The following ABCC4 variants were observed in gnomAD, a reference collection of about 807,000 sequenced individuals.
ABCC4 encodes the protein ATP-binding cassette sub-family C member 4.
ABCC4 carries 102 observed loss-of-function variants against 168.5 expected under a neutral mutation model. The observed-to-expected ratio is 0.61, with a 90% CI of 0.52 to 0.71. The LOEUF (loss-of-function observed/expected upper bound fraction) is 0.71. Ranked by LOEUF, ABCC4 falls within the 30% of genes least tolerant of loss-of-function variation. The probability of loss-of-function intolerance (pLI) is 0.00; values close to 1 mark genes in which losing one functional copy is unlikely to be tolerated. For missense variants in ABCC4, 1,402 were observed against 1,605.8 expected (o/e 0.87, Z 2.17); for synonymous variants, 617 against 590.7 (o/e 1.04, Z -0.65).
At chr13:95,126,443 T>C (rs1211701159) in intron 19 of ABCC4, among the ~76,000 whole-genome samples, 1 of 152,046 alleles carries the variant, frequency 6.6e-6, no homozygotes, top group Non-Finnish European at 1.5e-5. Flanking sequence ...AAATCGGCTC[T>C]ATCTCTAATC....
chr13:95,164,728 C>T (rs961634362), intron 15 of ABCC4, among the ~76,000 whole-genome samples: 30 of 152,118 alleles, frequency 2.0e-4, no homozygotes, highest in Admixed American at 3.3e-4. Flanking sequence ...GAATTTTGCT[C>T]ATGTTTCCCA....
chr13:95,247,268 G>A (rs2040131453), intron 2 of ABCC4, among the ~76,000 whole-genome samples, 173 bp from the exon 3 acceptor site: 1 of 152,200 alleles, frequency 6.6e-6, no homozygotes, highest in African/African-American at 2.4e-5. Context: ...AGAATCTGGA[G>A]CATCAGAAAA....
In ABCC4 at chr13:95,247,673, CGGTCTTCTGGCA is replaced by C. The variant is rs1480421279; in HGVS notation, c.143_154del (p.Leu48_Asp51del). ...CAACTCCTCTCCAAGGTGCTGTGAG[CGGTCTTCTGGCA>C]GCACTGAATACATATCATCTTCCTC... is the stretch of plus-strand genomic sequence containing the variant. On this transcript the variant is annotated inframe_deletion, in exon 2 of 31. Transcript: ENST00000645237. 1.2e-6 allele frequency: 2 copies of C among 1,613,778 alleles called. No homozygotes were observed.
At chr13:95,247,867 T>C (rs1594375406) in intron 1 of ABCC4, 114 bp from the exon 2 acceptor site, 11 of 694,472 alleles carry the variant, frequency 1.6e-5, no homozygotes, top group African/African-American at 9.2e-5. Context: ...CAGCTATATA[T>C]AGACAGACAG....
chr13:95,054,612 G>A (rs1222568320), intron 26 of ABCC4, among the ~76,000 whole-genome samples: 5 of 152,134 alleles, frequency 3.3e-5, no homozygotes, highest in African/African-American at 1.2e-4. Flanking sequence ...AATAAGCCAG[G>A]CCATAAGGAT....
chr13:95,234,671 T>C lies in ABCC4; in HGVS notation c.470A>G (p.Tyr157Cys). 1 of 1,614,134 alleles carries C rather than the reference T, an allele frequency of 6.2e-7. No individual in the cohort carries two copies. The highest frequency in any genetic ancestry group is 8.5e-7 in the Non-Finnish European group (1 of 1,180,010). Residue 157 changes from tyrosine to cysteine, a missense_variant, in exon 4 of 31, where the codon TAT becomes TGT. This residue lies in a region of ABCC4 where 317 missense variants were observed against 345.5 expected (regional missense o/e 0.92). Transcript: ENST00000645237. The part of the protein sequence containing the change: ...ILAILHHLYF[Y>C]HVQCAGMRLR... ...CCTCATCCCAGCACACTGAACGTGA[T>C]AAAAATATAAGTGATGCAGTATAGC...
At chr13:95,139,646 G>A (rs1333526713) in intron 19 of ABCC4, among the ~76,000 whole-genome samples, 2 of 152,204 alleles carry the variant, frequency 1.3e-5, no homozygotes, top group Non-Finnish European at 2.9e-5. Context: ...TTTAAATGCA[G>A]TTTAAATCAT....
chr13:95,026,301 T>C (rs1344571968), intron 30 of ABCC4, among the ~76,000 whole-genome samples: 1 of 152,044 alleles, frequency 6.6e-6, no homozygotes, highest in Non-Finnish European at 1.5e-5. Flanking sequence ...GCACAAAGAT[T>C]AGCCAATGCT....
Position 95,062,847 on chromosome 13 carries a change from C to T in ABCC4, c.3223G>A (p.Gly1075Arg), listed in dbSNP as rs141756029. 7 of 1,612,144 alleles carry T rather than the reference C, an allele frequency of 4.3e-6. No homozygotes were observed. The African/African-American group carries it at 9.4e-5, about 22-fold the overall frequency. ...IKSQEKVGIVGRTGAGKSSLI... is the reference protein window; with the variant it reads ...IKSQEKVGIVRRTGAGKSSLI... ...GAACTTTTTCCAGCTCCGGTTCTTC[C>T]CACAATGCCAACCTACAGAGAGATC... Residue 1075 changes from glycine to arginine, a missense_variant, in exon 26 of 31, where the codon GGA becomes AGA. By Grantham distance (125) the Gly-to-Arg change is moderately radical (BLOSUM62 -2). Around this residue, in one of 3 missense-constraint regions of ABCC4, gnomAD observed 1,007 missense variants for 1,127.3 expected, o/e 0.89. Transcript: ENST00000645237.
chr13:95,078,419 A>T (rs2033980360), intron 21 of ABCC4, among the ~76,000 whole-genome samples: 1 of 83,464 alleles, frequency 1.2e-5, no homozygotes. Flanking sequence ...TCTCAAAAAA[A>T]CAAAAACAAA....
intron 1 of ABCC4, among the ~76,000 whole-genome samples, chr13:95,294,331 C>G (rs2041473191): frequency 6.6e-6 from 1 of 152,102 alleles, no homozygotes; most frequent in East Asian, 1.9e-4. Context: ...CCACTGCACT[C>G]TAGCCTGCAA....
At chr13:95,242,204 T>G (rs890142060) in intron 3 of ABCC4, among the ~76,000 whole-genome samples, 2 of 150,206 alleles carry the variant, frequency 1.3e-5, no homozygotes, top group African/African-American at 4.9e-5. Context: ...TTAAATCAAC[T>G]GTGAAACTAA....
chr13:95,290,184 A>G (rs1251242247), intron 1 of ABCC4, among the ~76,000 whole-genome samples: 4 of 152,088 alleles, frequency 2.6e-5, no homozygotes, highest in African/African-American at 9.7e-5. Flanking sequence ...CCACCCCCAG[A>G]AATTATTTTT....
chr13:95,118,980 A>G (rs1222848142), intron 19 of ABCC4, among the ~76,000 whole-genome samples: 1 of 152,154 alleles, frequency 6.6e-6, no homozygotes, highest in Admixed American at 6.5e-5. Context: ...GGGTACCTCA[A>G]TTATCTCTCA....
chr13:95,061,526 G>A (rs2033291992), intron 26 of ABCC4, among the ~76,000 whole-genome samples: 1 of 151,804 alleles, frequency 6.6e-6, no homozygotes, highest in African/African-American at 2.4e-5. Context: ...CACATGCCCA[G>A]AAAGCTCATT....
At chr13:95,251,498 A>T (rs188626274) in intron 1 of ABCC4, among the ~76,000 whole-genome samples, 527 of 152,348 alleles carry the variant, frequency 3.5e-3, no homozygotes, top group Middle Eastern at 0.02. Flanking sequence ...TTTTCAATGG[A>T]TTATGCATTT....
intron 25 of ABCC4, among the ~76,000 whole-genome samples, chr13:95,069,373 A>G (rs1163217829): frequency 1.3e-5 from 2 of 152,116 alleles, no homozygotes; most frequent in Admixed American, 1.3e-4. Flanking sequence ...CCAGAATTAT[A>G]AATCATGCCA....
chr13:95,182,909 A>C (rs2037942849), intron 11 of ABCC4, among the ~76,000 whole-genome samples: 1 of 152,228 alleles, frequency 6.6e-6, no homozygotes, highest in Admixed American at 6.5e-5. Context: ...AGCCTAAAGC[A>C]ATACTGCTAA....
intron 29 of ABCC4, among the ~76,000 whole-genome samples, chr13:95,041,208 C>G (rs951663792): frequency 6.6e-5 from 10 of 152,198 alleles, no homozygotes; most frequent in African/African-American, 2.2e-4. Flanking sequence ...GTCATTAAGA[C>G]TACACCATGT....
Sources: gnomAD v4.1 joint callset for allele counts (sites outside exome capture counted in the v4.1 genomes callset) on GRCh38, gnomAD v4.1.1 for gene constraint, gnomAD v4.1.1 regional missense constraint, MANE v1.5 for transcripts, NCBI Gene and HGNC (gene_info 2026-07-23, HGNC 2026-07-21) for gene names.